Variants in DOCK1 observed in about 807,000 individuals in gnomAD.
DOCK1 encodes dedicator of cytokinesis protein 1.
In DOCK1, 138 loss-of-function variants were observed where a neutral mutation model predicts 262.7. The ratio of observed to expected loss-of-function variants is 0.53; its 90% CI spans 0.46 to 0.61. The LOEUF (loss-of-function observed/expected upper bound fraction) is 0.61, where lower values mean the gene tolerates loss of function less well. Among genes scored for constraint, DOCK1 ranks in the 20% least tolerant of loss-of-function variants. The probability of loss-of-function intolerance (pLI) is 0.00; values close to 1 mark genes in which losing one functional copy is unlikely to be tolerated. For missense variants in DOCK1, 1,908 were observed against 2,370.7 expected, an observed-to-expected ratio of 0.80 and a Z score of 4.05; for synonymous variants, 866 against 867.4, an observed-to-expected ratio of 1.00 and a Z score of 0.03.
intron 1 of DOCK1, among the ~76,000 whole-genome samples, chr10:126,909,870 G>A (rs576954535): frequency 8.5e-5 from 13 of 152,292 alleles, no homozygotes; most frequent in South Asian, 8.3e-4. Context: ...TTCTGTGTGC[G>A]GTTAACGGGT....
chr10:126,945,472 G>T (rs886311055), intron 1 of DOCK1, among the ~76,000 whole-genome samples: 2 of 149,442 alleles, frequency 1.3e-5, no homozygotes, highest in Non-Finnish European at 3.0e-5. Flanking sequence ...AGAGAGAGAG[G>T]GAGAGAGAGA....
chr10:126,963,590 CT>C (rs1288745022), intron 1 of DOCK1, among the ~76,000 whole-genome samples: 1 of 46,752 alleles, frequency 2.1e-5, no homozygotes, highest in African/African-American at 9.2e-5. Context: ...CCTCCCTTCC[CT>C]TCCCTTCCCT....
In DOCK1 at chr10:127,297,260, A is replaced by G. The variant is rs937701075; in HGVS notation, c.3044+39831A>G. Among the ~76,000 whole-genome samples, 3 of 152,328 alleles carry G rather than the reference A, an allele frequency of 2.0e-5. No homozygotes were observed. In the South Asian group the frequency reaches 6.2e-4, roughly 32 times the overall value. ...CACATGCTTAGTCTGAGATGCCTCC[A>G]GGGCAGTAGGATAAGCTAACCTGTG... On this transcript the variant is annotated intron_variant, in intron 29 of 51. Coordinates refer to ENST00000623213, the MANE Select transcript of DOCK1 (RefSeq NM_001290223.2).
intron 46 of DOCK1, among the ~76,000 whole-genome samples, chr10:127,422,659 C>A (rs2068585941): frequency 6.6e-6 from 1 of 152,150 alleles, no homozygotes; most frequent in African/African-American, 2.4e-5. Flanking sequence ...CCAACTTTGG[C>A]TTCTTTGTAT....
At chr10:127,295,058 G>A (rs575511777) in intron 29 of DOCK1, among the ~76,000 whole-genome samples, 1 of 152,270 alleles carries the variant, frequency 6.6e-6, no homozygotes, top group African/African-American at 2.4e-5. Context: ...AGGAATTTAA[G>A]TTTTCAGCCT....
chr10:127,339,089 G>T lies in DOCK1; in HGVS notation c.3123+5G>T. On this transcript the variant is annotated splice_donor_5th_base_variant and intron_variant, in intron 30 of 51. Transcript: ENST00000623213. ...CAAGCCAACTTTGAGCTACAGGTAA[G>T]AGAAGAGGTAGACACGACCTTTGTG... 6.4e-7 allele frequency: 1 copy of T among 1,566,648 alleles called. No homozygotes were observed. Among genetic ancestry groups the T allele is most frequent in the East Asian group, 2.4e-5 (1 of 42,452 alleles).
chr10:127,452,295 G>A lies in DOCK1; in HGVS notation c.*868G>A, dbSNP rs1426253477. 7.1e-6 allele frequency: 1 copy of A among 139,870 alleles called. No homozygotes were observed. The highest frequency in any genetic ancestry group is 1.6e-5 in the Non-Finnish European group (1 of 63,562). The allele number at this position is 139,870 out of a possible 1,614,324, so 8.7% of individuals were successfully genotyped here. A position where few individuals can be genotyped will look rare whatever the true frequency, so the allele number is the denominator to read the frequency against. On this transcript the variant is annotated 3_prime_UTR_variant, in exon 52 of 52. Coordinates refer to ENST00000623213, the MANE Select transcript of DOCK1 (RefSeq NM_001290223.2). ...ATGTGTTCTTAATTTTTAACTGCTG[G>A]AAGTGTTAAAACACACACACACACA...
chr10:127,201,871 C>T (rs947038407), intron 27 of DOCK1, among the ~76,000 whole-genome samples: 4 of 152,146 alleles, frequency 2.6e-5, no homozygotes, highest in African/African-American at 9.7e-5. Context: ...ATCCCATTCT[C>T]GTCACTGGGG....
At chr10:127,157,459 T>C (rs952709380) in intron 27 of DOCK1, among the ~76,000 whole-genome samples, 5 of 152,362 alleles carry the variant, frequency 3.3e-5, no homozygotes, top group Non-Finnish European at 7.3e-5. Flanking sequence ...TTATAGGTGG[T>C]TGAATGACAT....
At chr10:127,325,925 T>C (rs1461786846) in intron 29 of DOCK1, among the ~76,000 whole-genome samples, 1 of 152,214 alleles carries the variant, frequency 6.6e-6, no homozygotes, top group Non-Finnish European at 1.5e-5. Context: ...ATAAAGCAAG[T>C]CACACAGATT....
intron 42 of DOCK1, among the ~76,000 whole-genome samples, 155 bp from the exon 43 acceptor site, chr10:127,410,685 C>T (rs1261920565): frequency 6.6e-6 from 1 of 152,184 alleles, no homozygotes; most frequent in African/African-American, 2.4e-5. Context: ...CAACATTTCC[C>T]TGGCTGGGAG....
chr10:127,182,547 C>T (rs2055838018), intron 27 of DOCK1, among the ~76,000 whole-genome samples: 1 of 152,124 alleles, frequency 6.6e-6, no homozygotes, highest in Non-Finnish European at 1.5e-5. Flanking sequence ...CTTTGCTCAT[C>T]CTGCTACATT....
chr10:127,362,867 A>C (rs2064591116), intron 33 of DOCK1, among the ~76,000 whole-genome samples: 1 of 143,614 alleles, frequency 7.0e-6, no homozygotes, highest in African/African-American at 2.8e-5. Context: ...ACATCCCCAC[A>C]CACACACATA....
intron 27 of DOCK1, among the ~76,000 whole-genome samples, chr10:127,143,414 G>A (rs913583463): frequency 4.6e-5 from 7 of 152,164 alleles, no homozygotes; most frequent in Admixed American, 3.3e-4. Flanking sequence ...TGCTGACTCA[G>A]GCTCTACCAC....
rs2134890140 is a variant in DOCK1 at position 127,451,547 on chromosome 10, C to T, written c.*120C>T. 1 of 1,517,606 alleles carries T rather than the reference C, an allele frequency of 6.6e-7. No homozygotes were observed. The highest frequency in any genetic ancestry group is 8.8e-7 in the Non-Finnish European group (1 of 1,133,592). 94.0% of individuals were successfully genotyped at this position (1,517,606 alleles called of 1,614,324 possible). A position where few individuals can be genotyped will look rare whatever the true frequency, so the allele number is the denominator to read the frequency against. On this transcript the variant is annotated 3_prime_UTR_variant, in exon 52 of 52. Transcript: ENST00000623213. ...CCTGTGATGTTAACATTTCGTGCGA[C>T]TGCTTTTTCTTCAAAGGAGTTCAGT... is the stretch of plus-strand genomic sequence containing the variant.
intron 12 of DOCK1, among the ~76,000 whole-genome samples, chr10:127,014,048 AGAACCACT>A (rs2041677528): frequency 6.6e-6 from 1 of 152,262 alleles, no homozygotes; most frequent in African/African-American, 2.4e-5. Flanking sequence ...ATCTTCAGAG[AGAACCACT>A]GGGTTTTTTC....
intron 27 of DOCK1, among the ~76,000 whole-genome samples, chr10:127,154,215 C>A (rs894690982): frequency 1.3e-5 from 2 of 152,140 alleles, no homozygotes; most frequent in East Asian, 3.9e-4. Context: ...TGTTTCAATG[C>A]AGATTTATGG....
At chr10:126,950,273 C>G (rs892939197) in intron 1 of DOCK1, among the ~76,000 whole-genome samples, 1 of 152,034 alleles carries the variant, frequency 6.6e-6, no homozygotes, top group Non-Finnish European at 1.5e-5. Flanking sequence ...TGTGTCATGT[C>G]TTGTCTCCTC....
intron 27 of DOCK1, among the ~76,000 whole-genome samples, chr10:127,162,636 A>C (rs772944585): frequency 6.6e-6 from 1 of 152,238 alleles, no homozygotes; most frequent in Non-Finnish European, 1.5e-5. Context: ...TCACCTGTAC[A>C]TGTAAACTCC....
Sources: allele counts gnomAD v4.1 joint callset (sites outside exome capture counted in the v4.1 genomes callset), GRCh38; gene constraint gnomAD v4.1.1; transcripts MANE v1.5; gene names NCBI Gene and HGNC (gene_info 2026-07-23, HGNC 2026-07-21).